Variants in SGCZ observed in about 807,000 individuals in gnomAD.
SGCZ encodes the protein zeta-sarcoglycan.
In SGCZ, 40 loss-of-function variants were observed where a neutral mutation model predicts 41.3. The observed-to-expected ratio is 0.97, with a 90% CI of 0.75 to 1.26. SGCZ has a LOEUF of 1.26. SGCZ is among the 50% of genes most tolerant of loss of function. The probability of loss-of-function intolerance (pLI) is 0.00; values close to 1 mark genes in which losing one functional copy is unlikely to be tolerated. For missense variants in SGCZ, 552 were observed against 369.8 expected (o/e 1.49, Z -4.04); for synonymous variants, 206 against 137.5 (o/e 1.50, Z -3.49).
chr8:15,034,572 T>A (rs968502400), intron 1 of SGCZ, among the ~76,000 whole-genome samples: 2 of 152,174 alleles, frequency 1.3e-5, no homozygotes, highest in Non-Finnish European at 2.9e-5. Flanking sequence ...AACTTTCAAA[T>A]CTGAAGAATG....
At chr8:14,746,784 C>A (rs1290375259) in intron 1 of SGCZ, among the ~76,000 whole-genome samples, 1 of 152,082 alleles carries the variant, frequency 6.6e-6, no homozygotes, top group Non-Finnish European at 1.5e-5. Flanking sequence ...TGTGTGTATA[C>A]CAAACAGTAT....
chr8:14,979,114 T>C (rs1023568013), intron 1 of SGCZ, among the ~76,000 whole-genome samples: 5 of 152,112 alleles, frequency 3.3e-5, no homozygotes, highest in African/African-American at 1.2e-4. Flanking sequence ...TACTATTTTC[T>C]TACAGAGGCA....
chr8:14,280,800 G>C (rs1800402111), intron 3 of SGCZ, among the ~76,000 whole-genome samples: 1 of 8,628 alleles, frequency 1.2e-4, no homozygotes, highest in African/African-American at 3.1e-4. Flanking sequence ...TAAACTATAG[G>C]GTTTTTTTTT....
At chr8:14,462,862 C>G (rs1800941256) in intron 2 of SGCZ, among the ~76,000 whole-genome samples, 1 of 144,154 alleles carries the variant, frequency 6.9e-6, no homozygotes, top group Non-Finnish European at 1.6e-5. Flanking sequence ...CATAGAATGT[C>G]TTTTAAGAAT....
intron 1 of SGCZ, among the ~76,000 whole-genome samples, chr8:15,203,332 G>C (rs78526575): frequency 0.045 from 6,881 of 152,076 alleles, 202 homozygotes; most frequent in Middle Eastern, 0.068. Flanking sequence ...TAACAAAATC[G>C]ACAGTAGTGG....
intron 1 of SGCZ, among the ~76,000 whole-genome samples, chr8:14,940,299 A>C (rs1016622606): frequency 7.2e-5 from 11 of 152,166 alleles, no homozygotes; most frequent in African/African-American, 2.7e-4. Flanking sequence ...TCATCATCAA[A>C]TGTTTGCCAT....
intron 1 of SGCZ, among the ~76,000 whole-genome samples, chr8:14,756,725 TA>T (rs1038466125): frequency 2.0e-5 from 3 of 152,150 alleles, no homozygotes; most frequent in Non-Finnish European, 4.4e-5. Flanking sequence ...TATTTTGCAT[TA>T]AAAAATATTA....
chr8:14,913,360 C>T (rs950037095), intron 1 of SGCZ, among the ~76,000 whole-genome samples: 22 of 152,162 alleles, frequency 1.4e-4, no homozygotes, highest in African/African-American at 5.1e-4. Flanking sequence ...GCTCTCACAA[C>T]TATATGGTCT....
intron 3 of SGCZ, among the ~76,000 whole-genome samples, chr8:14,279,113 C>G (rs1800335158): frequency 6.6e-6 from 1 of 151,954 alleles, no homozygotes. Flanking sequence ...AGGTTGAATT[C>G]CCTAGAAATC....
intron 1 of SGCZ, among the ~76,000 whole-genome samples, chr8:15,167,346 C>T (rs370555753): frequency 1.3e-5 from 2 of 152,202 alleles, no homozygotes; most frequent in African/African-American, 4.8e-5. Flanking sequence ...ACTGGCCTCA[C>T]GTCCTCATCT....
intron 1 of SGCZ, among the ~76,000 whole-genome samples, chr8:14,729,850 C>G (rs189354340): frequency 1.2e-4 from 18 of 152,112 alleles, no homozygotes; most frequent in Non-Finnish European, 1.5e-4. Context: ...TTTAGGAGGA[C>G]GAGGCAGGCA....
intron 1 of SGCZ, among the ~76,000 whole-genome samples, chr8:15,132,917 G>T (rs1298399685): frequency 6.6e-6 from 1 of 152,130 alleles, no homozygotes; most frequent in East Asian, 1.9e-4. Flanking sequence ...AAGGTGGGTG[G>T]ACTGCATGAG....
chr8:14,378,286 G>A (rs1452813324), intron 2 of SGCZ, among the ~76,000 whole-genome samples: 1 of 151,938 alleles, frequency 6.6e-6, no homozygotes, highest in East Asian at 1.9e-4. Context: ...GCCAGTGATG[G>A]TGAGCATTTT....
chr8:14,657,145 G>C (rs1203816568), intron 1 of SGCZ, among the ~76,000 whole-genome samples: 2 of 151,992 alleles, frequency 1.3e-5, no homozygotes, highest in African/African-American at 4.8e-5. Flanking sequence ...GAGGGATTTT[G>C]ATCTTCCTTT....
chr8:14,624,555 A>ATTATTATTTTTT (rs1438250019), intron 1 of SGCZ, among the ~76,000 whole-genome samples: 25 of 96,234 alleles, frequency 2.6e-4, no homozygotes, highest in East Asian at 7.7e-4. Context: ...TATTATTATT[A>ATTATTATTTTTT]TTTTTTTTTT....
At chr8:14,731,224 T>C (rs996247337) in intron 1 of SGCZ, among the ~76,000 whole-genome samples, 1 of 151,800 alleles carries the variant, frequency 6.6e-6, no homozygotes, top group African/African-American at 2.4e-5. Context: ...GATGAGTTCA[T>C]GTCCTTTGCA....
chr8:15,237,145 G>A (rs900673756), intron 1 of SGCZ, among the ~76,000 whole-genome samples: 14 of 152,220 alleles, frequency 9.2e-5, no homozygotes, highest in African/African-American at 3.1e-4. Flanking sequence ...CCCGTGCCGG[G>A]CTGGGGCACA....
At position 15,237,685 on chromosome 8, in the gene SGCZ, T is replaced by C. The variant is rs899641545; in HGVS notation, c.-62A>G. 60 of 1,537,712 alleles carry C rather than the reference T, an allele frequency of 3.9e-5. No homozygotes were observed. The highest frequency in any genetic ancestry group is 5.1e-5 in the Non-Finnish European group (58 of 1,133,830). ...AGTGGCACCCAAAAACAATCTAGTC[T>C]TTTAGTTTCCAGCTTAAACTCAGCT... On this transcript the variant is annotated 5_prime_UTR_variant, in exon 1 of 8. Coordinates refer to ENST00000382080, the MANE Select transcript of SGCZ (RefSeq NM_139167.4).
At chr8:14,796,871 G>C (rs571711345) in intron 1 of SGCZ, among the ~76,000 whole-genome samples, 20 of 152,286 alleles carry the variant, frequency 1.3e-4, no homozygotes, top group African/African-American at 4.3e-4. Flanking sequence ...CACAAGATCT[G>C]ATGGTTTTAT....
Sources: gnomAD v4.1 joint callset for allele counts (sites outside exome capture counted in the v4.1 genomes callset) on GRCh38, gnomAD v4.1.1 for gene constraint, MANE v1.5 for transcripts, NCBI Gene and HGNC (gene_info 2026-07-23, HGNC 2026-07-21) for gene names.